DDX60: variants seen among roughly 807,000 people sequenced by gnomAD.
DDX60 encodes the protein probable ATP-dependent RNA helicase DDX60.
DDX60 carries 165 observed loss-of-function variants against 212.8 expected under a neutral mutation model. The observed-to-expected ratio is 0.78, with a 90% CI of 0.68 to 0.88. The LOEUF (loss-of-function observed/expected upper bound fraction) is 0.88, where lower values mean the gene tolerates loss of function less well. DDX60 is among the 40% of genes least tolerant of loss of function. The pLI is 0.00. For missense variants in DDX60, 1,905 were observed against 2,003.9 expected (o/e 0.95, Z 0.94); for synonymous variants, 703 against 685.3 (o/e 1.03, Z -0.40).
chr4:168,311,186 C>T, intron 2 of DDX60, 70 bp downstream of exon 2: 4 of 1,535,670 alleles, frequency 2.6e-6, no homozygotes, highest in African/African-American at 1.4e-5. Flanking sequence ...TATTTTAATT[C>T]CATTAAATCT....
At chr4:168,238,960 G>C (rs1733738143) in intron 30 of DDX60, among the ~76,000 whole-genome samples, 1 of 152,126 alleles carries the variant, frequency 6.6e-6, no homozygotes, top group African/African-American at 2.4e-5. Flanking sequence ...TATTTGATTA[G>C]CATTTAGGTG....
chr4:168,223,634 A>G (rs1346004213), intron 35 of DDX60, among the ~76,000 whole-genome samples: 1 of 152,088 alleles, frequency 6.6e-6, no homozygotes, highest in East Asian at 1.9e-4. Flanking sequence ...TTAGGATAAA[A>G]ATGTATGTGT....
chr4:168,225,456 C>A, intron 34 of DDX60, 73 bp downstream of exon 34: 1 of 1,415,238 alleles, frequency 7.1e-7, no homozygotes, highest in South Asian at 1.4e-5. Context: ...CACTCTTCTT[C>A]CAGAATAAAC....
upstream of DDX60, among the ~76,000 whole-genome samples, chr4:168,322,732 A>T (rs1737630589): frequency 6.6e-6 from 1 of 152,210 alleles, no homozygotes; most frequent in South Asian, 2.1e-4. Context: ...GGCACTTGAC[A>T]CGGAAGTTTG....
Position 168,297,283 on chromosome 4 carries a change from AAGAG to A in DDX60, c.724-3342_724-3339del, listed in dbSNP as rs367566324. On this transcript the variant is annotated intron_variant, in intron 6 of 37. Coordinates refer to ENST00000393743, the MANE Select transcript of DDX60 (RefSeq NM_017631.6). ...AGAAAGAAAGAAAAAGAAAGAAAGA[AAGAG>A]AGAGAGAGACGAAAGAAAGAAAGAA... Among the ~76,000 whole-genome samples, 3 of 129,196 alleles carry A rather than the reference AAGAG, an allele frequency of 2.3e-5. 1 individual carries two copies. The highest frequency in any genetic ancestry group is 1.1e-4 in the African/African-American group (3 of 28,146). 84.8% of individuals were successfully genotyped at this position (129,196 alleles called of 152,430 possible).
chr4:168,287,040 T>G lies in DDX60; in HGVS notation c.1339+8A>C. 1 of 1,591,010 alleles carries G rather than the reference T, an allele frequency of 6.3e-7. No homozygotes were observed. Among genetic ancestry groups the G allele is most frequent in the Non-Finnish European group, 8.5e-7 (1 of 1,171,670 alleles). On this transcript the variant is annotated splice_region_variant and intron_variant, in intron 10 of 37. Coordinates refer to ENST00000393743, the MANE Select transcript of DDX60 (RefSeq NM_017631.6). ...CTTTCATTTCAGATTAATTTAGAAA[T>G]TTATTACCTTTGATTGGTGATGGTT...
intron 37 of DDX60, among the ~76,000 whole-genome samples, chr4:168,219,943 G>A (rs2149489286): frequency 6.6e-6 from 1 of 152,092 alleles, no homozygotes; most frequent in Admixed American, 6.5e-5. Flanking sequence ...GATTGAGGCA[G>A]GAGAACTGCT....
Position 168,216,983 on chromosome 4 carries a change from C to A in DDX60, c.5089G>T (p.Ala1697Ser). 1.2e-6 allele frequency: 2 copies of A among 1,606,094 alleles called. No individual in the cohort carries two copies. Among genetic ancestry groups the A allele is most frequent in the South Asian group, 2.2e-5 (2 of 88,940 alleles). ...CENEDDNVVLAFEQLSTTFWE... is the reference protein window; with the variant it reads ...CENEDDNVVLSFEQLSTTFWE... Reference sequence around the variant, plus strand: ...AAAGTTGTACTCAGTTGTTCAAAGGCTAAGACAACGTTGTCGTCTTCATTT... The same window carrying A: ...AAAGTTGTACTCAGTTGTTCAAAGGATAAGACAACGTTGTCGTCTTCATTT... The change falls in exon 38 of 38, where the codon GCC (alanine) becomes TCC (serine). Residue 1697 changes from alanine to serine, a missense_variant. By Grantham distance (99) the Ala-to-Ser change is moderately conservative. Transcript: ENST00000393743.
intron 6 of DDX60, among the ~76,000 whole-genome samples, chr4:168,294,699 A>G (rs569600345): frequency 6.6e-6 from 1 of 152,054 alleles, no homozygotes; most frequent in South Asian, 2.1e-4. Flanking sequence ...ATGGGATTTC[A>G]CCATGTTGGC....
At position 168,225,685 on chromosome 4, in the gene DDX60, C is replaced by T. The variant is rs373474626; in HGVS notation, c.4534-9G>A. 8.1e-6 allele frequency: 13 copies of T among 1,605,830 alleles called. No individual in the cohort carries two copies. The highest frequency in any genetic ancestry group is 6.7e-5 in the African/African-American group (5 of 74,396). The stretch of plus-strand genomic sequence containing the variant: ...AGATCATCAAGGAACACCTAGAAGC[C>T]GAATAATTTTCATAGAGATAGATCT... On this transcript the variant is annotated splice_polypyrimidine_tract_variant and intron_variant, in intron 33 of 37. Coordinates refer to ENST00000393743, the MANE Select transcript of DDX60 (RefSeq NM_017631.6).
chr4:168,297,862 G>C lies in DDX60; in HGVS notation c.724-3917C>G, dbSNP rs573073795. 5.9e-4 allele frequency among the ~76,000 whole-genome samples: 90 copies of C among 151,962 alleles called. 1 individual carries two copies. Among genetic ancestry groups the C allele is most frequent in the Non-Finnish European group, 1.1e-3 (72 of 67,958 alleles). On this transcript the variant is annotated intron_variant, in intron 6 of 37. Transcript: ENST00000393743. The stretch of plus-strand genomic sequence containing the variant: ...GCTGTGATCGTGTCACTGCACTCTA[G>C]CTTGGGCAATAGAACAAGACTCTGT...
chr4:168,269,567 T>C (rs1735003679), intron 19 of DDX60, among the ~76,000 whole-genome samples: 2 of 151,910 alleles, frequency 1.3e-5, no homozygotes, highest in Admixed American at 6.6e-5. Flanking sequence ...CGCCACTGGG[T>C]TCCAGCCTGG....
At chr4:168,236,681 A>C (rs941167569) in intron 32 of DDX60, among the ~76,000 whole-genome samples, 1 of 151,852 alleles carries the variant, frequency 6.6e-6, no homozygotes, top group Non-Finnish European at 1.5e-5. Context: ...TAGTGTTTAA[A>C]TGTAAAAATC....
At chr4:168,217,177 A>G (rs1401381902) in intron 37 of DDX60, 145 bp from the exon 38 acceptor site, 2 of 566,860 alleles carry the variant, frequency 3.5e-6, no homozygotes. Flanking sequence ...GATAAGAAAC[A>G]TATTTCTCCT....
rs1015513019 is a variant in DDX60, at chr4:168,296,287, AT to A, written c.724-2343del. Among the ~76,000 whole-genome samples, 8 of 152,202 alleles carry A rather than the reference AT, an allele frequency of 5.3e-5. No individual in the cohort carries two copies. The East Asian group carries it at 9.6e-4, about 18-fold the overall frequency. On this transcript the variant is annotated intron_variant, in intron 6 of 37. Coordinates refer to ENST00000393743, the MANE Select transcript of DDX60 (RefSeq NM_017631.6). ...TAGTTATGATGTGTCAATCAAAAATATTTTTTTAATTTAAAATTTTTAAAAA... is the reference window on the plus strand; with the variant it reads ...TAGTTATGATGTGTCAATCAAAAATATTTTTTAATTTAAAATTTTTAAAAA...
chr4:168,239,622 A>C (rs558369664), intron 30 of DDX60, among the ~76,000 whole-genome samples: 1 of 152,146 alleles, frequency 6.6e-6, no homozygotes, highest in Non-Finnish European at 1.5e-5. Flanking sequence ...TGTTAGAGCA[A>C]AGAATTTAAT....
At position 168,224,404 on chromosome 4, in the gene DDX60, G is replaced by T; in HGVS notation, c.4682-19C>A. The T allele has an allele frequency of 6.2e-7, 1 of 1,608,926 alleles. No homozygotes were observed. The highest frequency in any genetic ancestry group is 1.1e-5 in the South Asian group (1 of 90,804). On this transcript the variant is annotated intron_variant, in intron 34 of 37. Transcript: ENST00000393743. ...GTGAATTCTGACAATAATAGTTAGG[G>T]ATAGATTAGTGTTTTGAACTCAGTC... is the stretch of plus-strand genomic sequence containing the variant.
At chr4:168,242,292 G>C (rs1358670925) in intron 30 of DDX60, among the ~76,000 whole-genome samples, 1 of 152,188 alleles carries the variant, frequency 6.6e-6, no homozygotes, top group Non-Finnish European at 1.5e-5. Context: ...CTGCCTATTG[G>C]AGCTGTGAGA....
chr4:168,275,022 T>A (rs1735271979), intron 16 of DDX60, among the ~76,000 whole-genome samples: 1 of 152,218 alleles, frequency 6.6e-6, no homozygotes, highest in Non-Finnish European at 1.5e-5. Flanking sequence ...ATGCACTTTA[T>A]ATATTTACAT....
Sources: gnomAD v4.1 joint callset for allele counts (sites outside exome capture counted in the v4.1 genomes callset) on GRCh38, gnomAD v4.1.1 for gene constraint, MANE v1.5 for transcripts, NCBI Gene and HGNC (gene_info 2026-07-23, HGNC 2026-07-21) for gene names.